The following TNFSF4 variants were observed in gnomAD, a reference collection of about 807,000 sequenced individuals.
TNFSF4 encodes TNF superfamily member 4.
Under a neutral mutation model 7.3 loss-of-function variants are expected in TNFSF4, and 4 were observed. That is an observed-to-expected ratio of 0.55 (90% CI 0.27 to 1.25). The LOEUF (loss-of-function observed/expected upper bound fraction) is 1.25, where lower values mean the gene tolerates loss of function less well. TNFSF4 is among the 50% of genes most tolerant of loss of function. The pLI is 0.12. For missense variants in TNFSF4, 181 were observed against 208.8 expected, an observed-to-expected ratio of 0.87 and a Z score of 0.82; for synonymous variants, 76 against 83.7, an observed-to-expected ratio of 0.91 and a Z score of 0.50.
the TNFSF4 span, among the ~76,000 whole-genome samples, chr1:173,291,840 T>C: frequency 3.3e-5 from 5 of 151,916 alleles, no homozygotes; most frequent in African/African-American, 1.2e-4. Flanking sequence ...CACAGAAATA[T>C]AAATAGTCCT....
At chr1:173,385,532 G>A in the TNFSF4 span, among the ~76,000 whole-genome samples, 1 of 152,220 alleles carries the variant, frequency 6.6e-6, no homozygotes, top group Non-Finnish European at 1.5e-5. Flanking sequence ...GCATCCAGCA[G>A]CAATTGTTAT....
At chr1:173,205,378 G>C in intron 1 of TNFSF4, 1 of 1,610,360 alleles carries the variant, frequency 6.2e-7, no homozygotes, top group Admixed American at 1.7e-5. Context: ...CTGTCCCAGA[G>C]TTGCTGGATG....
At chr1:173,425,364 A>G in the TNFSF4 span, among the ~76,000 whole-genome samples, 1 of 152,226 alleles carries the variant, frequency 6.6e-6, no homozygotes. Flanking sequence ...TAGAAAGACT[A>G]TTTCATAATC....
the TNFSF4 span, among the ~76,000 whole-genome samples, chr1:173,300,876 A>G: frequency 6.6e-6 from 1 of 152,018 alleles, no homozygotes; most frequent in African/African-American, 2.4e-5. Flanking sequence ...GATCTTGAGC[A>G]GTTTACTTAG....
the TNFSF4 span, among the ~76,000 whole-genome samples, chr1:173,261,655 T>A: frequency 6.6e-6 from 1 of 152,238 alleles, no homozygotes; most frequent in South Asian, 2.1e-4. Context: ...ATATCACCAC[T>A]GACCCCACAG....
the TNFSF4 span, among the ~76,000 whole-genome samples, chr1:173,387,612 G>C: frequency 1.3e-5 from 2 of 152,172 alleles, no homozygotes; most frequent in African/African-American, 4.8e-5. Flanking sequence ...GAAACTGATA[G>C]TCAATTGAGA....
chr1:173,345,228 G>A, the TNFSF4 span, among the ~76,000 whole-genome samples: 3 of 152,184 alleles, frequency 2.0e-5, no homozygotes, highest in African/African-American at 7.2e-5. Context: ...CAAAGAATAA[G>A]AGAAATAATA....
chr1:173,351,714 C>A, the TNFSF4 span: 1 of 416,786 alleles, frequency 2.4e-6, no homozygotes, highest in Non-Finnish European at 4.3e-6. Flanking sequence ...CATGCCTAAC[C>A]GAAAGGATAA....
At chr1:173,216,504 A>G in the TNFSF4 span, among the ~76,000 whole-genome samples, 9 of 152,212 alleles carry the variant, frequency 5.9e-5, no homozygotes, top group Non-Finnish European at 1.0e-4. Context: ...GGAAAAAAAT[A>G]AATTATTAAT....
chr1:173,413,642 G>A, the TNFSF4 span, among the ~76,000 whole-genome samples: 38,601 of 152,044 alleles, frequency 0.25, 5,768 homozygotes, highest in East Asian at 0.45. Context: ...AGCAGCAGCC[G>A]GCGCCCAGCA....
chr1:173,273,909 C>G, the TNFSF4 span, among the ~76,000 whole-genome samples: 1 of 151,992 alleles, frequency 6.6e-6, no homozygotes, highest in Non-Finnish European at 1.5e-5. Context: ...TGCAAACTTT[C>G]TATAAGAGAT....
the TNFSF4 span, among the ~76,000 whole-genome samples, chr1:173,228,762 C>A: frequency 6.6e-6 from 1 of 152,064 alleles, no homozygotes; most frequent in Non-Finnish European, 1.5e-5. Context: ...AAAACCATGG[C>A]AAAGAAACTA....
chr1:173,363,344 C>T, the TNFSF4 span: 1 of 300,682 alleles, frequency 3.3e-6, no homozygotes, highest in Non-Finnish European at 6.7e-6. Context: ...TTATTTTCTG[C>T]AGCTATCAAC....
the TNFSF4 span, among the ~76,000 whole-genome samples, chr1:173,438,874 T>G: frequency 6.6e-6 from 1 of 152,222 alleles, no homozygotes; most frequent in Non-Finnish European, 1.5e-5. Flanking sequence ...TTGCACAACT[T>G]TCATTTAGCA....
chr1:173,442,635 C>T, the TNFSF4 span, among the ~76,000 whole-genome samples: 2 of 142,278 alleles, frequency 1.4e-5, no homozygotes, highest in Non-Finnish European at 1.5e-5. Context: ...CTGCAACCTT[C>T]GCCTCCCTGG....
intron 1 of TNFSF4, among the ~76,000 whole-genome samples, chr1:173,196,268 G>A (rs1649694120): frequency 6.6e-6 from 1 of 152,184 alleles, no homozygotes; most frequent in African/African-American, 2.4e-5. Flanking sequence ...TATCCCAAAA[G>A]TTACATTTCT....
the TNFSF4 span, among the ~76,000 whole-genome samples, chr1:173,291,929 C>T: frequency 2.0e-5 from 3 of 151,750 alleles, no homozygotes; most frequent in Non-Finnish European, 4.4e-5. Flanking sequence ...GAACACACAA[C>T]CTCCCCAAGA....
chr1:173,273,281 T>C, the TNFSF4 span, among the ~76,000 whole-genome samples: 1 of 152,156 alleles, frequency 6.6e-6, no homozygotes, highest in Admixed American at 6.5e-5. Flanking sequence ...AAATTTGATG[T>C]TTGTTCTTGC....
chr1:173,296,882 A>C, the TNFSF4 span, among the ~76,000 whole-genome samples: 1 of 151,982 alleles, frequency 6.6e-6, no homozygotes, highest in Non-Finnish European at 1.5e-5. Context: ...AGAACCCAAC[A>C]TCCAGCTTAC....
Sources: gnomAD v4.1 joint callset for allele counts (sites outside exome capture counted in the v4.1 genomes callset) on GRCh38, gnomAD v4.1.1 for gene constraint, MANE v1.5 for transcripts, NCBI Gene and HGNC (gene_info 2026-07-23, HGNC 2026-07-21) for gene names.